EPHA6: variants seen among roughly 807,000 people sequenced by gnomAD.
The protein encoded by EPHA6 is ephrin type-A receptor 6.
EPHA6 carries 50 observed loss-of-function variants against 112.0 expected under a neutral mutation model. The ratio of observed to expected loss-of-function variants is 0.45; its 90% confidence interval spans 0.36 to 0.56. The LOEUF (loss-of-function observed/expected upper bound fraction) is 0.56. Ranked by LOEUF, EPHA6 falls within the 20% of genes least tolerant of loss-of-function variation. The pLI, the probability that EPHA6 is intolerant of heterozygous loss-of-function variation, is 0.00. For missense variants in EPHA6, 1,280 were observed against 1,417.4 expected, an observed-to-expected ratio of 0.90 and a Z score of 1.56; for synonymous variants, 529 against 490.7, an observed-to-expected ratio of 1.08 and a Z score of -1.03.
chr3:97,738,692 T>A (rs1576381833), intron 16 of EPHA6, among the ~76,000 whole-genome samples: 1 of 152,198 alleles, frequency 6.6e-6, no homozygotes, highest in Admixed American at 6.5e-5. Flanking sequence ...GAGACAGCAC[T>A]GCAGCACGCA....
chr3:97,742,052 A>G (rs1330778608), intron 16 of EPHA6, among the ~76,000 whole-genome samples: 1 of 152,118 alleles, frequency 6.6e-6, no homozygotes, highest in African/African-American at 2.4e-5. Flanking sequence ...AATGAGGAAA[A>G]TATGGCAGTA....
At chr3:97,506,783 T>G (rs1255954739) in intron 10 of EPHA6, among the ~76,000 whole-genome samples, 1 of 152,216 alleles carries the variant, frequency 6.6e-6, no homozygotes, top group Non-Finnish European at 1.5e-5. Flanking sequence ...TTCACGATAT[T>G]GATTCTTCCT....
chr3:97,026,945 C>G (rs1170603858), intron 3 of EPHA6, among the ~76,000 whole-genome samples: 2 of 152,086 alleles, frequency 1.3e-5, no homozygotes, highest in African/African-American at 2.4e-5. Context: ...TGGGTATATA[C>G]TCAAAGGAAT....
rs79163158 is a variant in EPHA6, at chr3:97,758,684, G to C, written c.*9983G>C. 6.6e-6 allele frequency among the ~76,000 whole-genome samples: 1 copy of C among 151,876 alleles called. No individual in the cohort carries two copies. The highest frequency in any genetic ancestry group is 1.5e-5 in the Non-Finnish European group (1 of 67,880). On this transcript the variant is annotated 3_prime_UTR_variant, in exon 18 of 18. Coordinates refer to ENST00000389672, the MANE Select transcript of EPHA6 (RefSeq NM_001080448.3). Reference sequence around the variant, plus strand: ...TAGCATGACTGTGGCTCCTTTAAGCGGTAGAGGAAATCTTCCCCCAAGGAC... The same window carrying C: ...TAGCATGACTGTGGCTCCTTTAAGCCGTAGAGGAAATCTTCCCCCAAGGAC...
intron 5 of EPHA6, among the ~76,000 whole-genome samples, chr3:97,352,813 C>T (rs911568255): frequency 3.3e-5 from 5 of 152,014 alleles, no homozygotes; most frequent in Admixed American, 2.0e-4. Flanking sequence ...GGTGGCCAAG[C>T]GGGGAGTGTT....
Position 97,747,448 on chromosome 3 carries a change from C to T in EPHA6, c.3154C>T (p.Pro1052Ser). Residue 1052 changes from proline to serine, a missense_variant, in exon 17 of 18, where the codon CCG becomes TCG. This residue lies in a region of EPHA6 where 145 missense variants were observed against 153.3 expected (regional missense o/e 0.95). Transcript: ENST00000389672. The stretch of plus-strand genomic sequence containing the variant: ...AATGCCAGAGTCCCCTGGTGAAGTT[C>T]CGGAATATCCTTTGTTTGTCACAGT... ...LVMPESPGEV[P>S]EYPLFVTVGD... 1 of 1,582,298 alleles carries T rather than the reference C, an allele frequency of 6.3e-7. No individual in the cohort carries two copies. Among genetic ancestry groups the T allele is most frequent in the Non-Finnish European group, 8.6e-7 (1 of 1,163,490 alleles).
At chr3:97,130,726 T>G (rs1156469284) in intron 3 of EPHA6, among the ~76,000 whole-genome samples, 1 of 152,156 alleles carries the variant, frequency 6.6e-6, no homozygotes, top group African/African-American at 2.4e-5. Flanking sequence ...TATTAAGGAA[T>G]GTAGACTTGA....
At chr3:97,232,404 G>T (rs1480544846) in intron 4 of EPHA6, among the ~76,000 whole-genome samples, 1 of 152,034 alleles carries the variant, frequency 6.6e-6, no homozygotes, top group East Asian at 1.9e-4. Context: ...ATTTTATGTT[G>T]ATGCTATTTT....
chr3:97,275,871 T>C (rs968031412), intron 5 of EPHA6, among the ~76,000 whole-genome samples: 1 of 151,544 alleles, frequency 6.6e-6, no homozygotes, highest in Non-Finnish European at 1.5e-5. Flanking sequence ...GGCTTTGAAC[T>C]GGGGGGAAAG....
chr3:97,661,926 C>T (rs1038549190), intron 14 of EPHA6, among the ~76,000 whole-genome samples: 2 of 152,094 alleles, frequency 1.3e-5, no homozygotes, highest in African/African-American at 4.8e-5. Flanking sequence ...GACTGCTGCT[C>T]AGCAAATTTG....
chr3:97,592,296 C>T (rs2093552379), intron 11 of EPHA6, among the ~76,000 whole-genome samples: 1 of 152,188 alleles, frequency 6.6e-6, no homozygotes, highest in Non-Finnish European at 1.5e-5. Flanking sequence ...AAATAAACAA[C>T]ATCAATGACT....
At chr3:97,327,827 G>T (rs1223151879) in intron 5 of EPHA6, among the ~76,000 whole-genome samples, 1 of 127,854 alleles carries the variant, frequency 7.8e-6, no homozygotes, top group Non-Finnish European at 1.5e-5. Context: ...ATATTCCTTG[G>T]TGTGTGTGTG....
At chr3:97,504,119 G>C (rs1456477004) in intron 10 of EPHA6, among the ~76,000 whole-genome samples, 1 of 152,068 alleles carries the variant, frequency 6.6e-6, no homozygotes, top group Non-Finnish European at 1.5e-5. Context: ...ATTCACAATA[G>C]CAAAAACTAG....
chr3:97,024,797 T>C (rs1363635980), intron 3 of EPHA6, among the ~76,000 whole-genome samples: 3 of 152,220 alleles, frequency 2.0e-5, no homozygotes, highest in Non-Finnish European at 4.4e-5. Flanking sequence ...TTCCTTCCTA[T>C]TTTAGTGTTA....
intron 3 of EPHA6, among the ~76,000 whole-genome samples, chr3:97,190,566 A>C (rs2077274446): frequency 6.6e-6 from 1 of 152,062 alleles, no homozygotes; most frequent in African/African-American, 2.4e-5. Context: ...AAATAGCATT[A>C]TTGCCTTCAT....
Position 97,448,561 on chromosome 3 carries a change from C to A in EPHA6, c.1732-7C>A, listed in dbSNP as rs1336075703. Reference sequence around the variant, plus strand: ...CATTTCCTTTCTCCTTTTTTTCTGTCCCCCAGGAACATGAGCAGCTGACCT... The same window carrying A: ...CATTTCCTTTCTCCTTTTTTTCTGTACCCCAGGAACATGAGCAGCTGACCT... On this transcript the variant is annotated splice_polypyrimidine_tract_variant and splice_region_variant and intron_variant, in intron 6 of 17. Transcript: ENST00000389672. 2 of 1,608,216 alleles carry A rather than the reference C, an allele frequency of 1.2e-6. No homozygotes were observed. The highest frequency in any genetic ancestry group is 2.2e-5 in the East Asian group (1 of 44,818).
At chr3:97,005,334 C>T (rs571921051) in intron 3 of EPHA6, among the ~76,000 whole-genome samples, 1 of 152,190 alleles carries the variant, frequency 6.6e-6, no homozygotes, top group African/African-American at 2.4e-5. Context: ...TCCTTCATAT[C>T]CCTTGTTAGC....
At chr3:96,919,181 A>G (rs1309352398) in intron 2 of EPHA6, among the ~76,000 whole-genome samples, 1 of 151,910 alleles carries the variant, frequency 6.6e-6, no homozygotes, top group Non-Finnish European at 1.5e-5. Context: ...ACTCTTTGCT[A>G]TGTTGAATGA....
intron 5 of EPHA6, among the ~76,000 whole-genome samples, chr3:97,319,701 A>G (rs1434143309): frequency 1.3e-5 from 2 of 150,878 alleles, no homozygotes; most frequent in South Asian, 2.1e-4. Context: ...AAAAAAAACA[A>G]CACCAAAAAA....
Sources: allele counts gnomAD v4.1 joint callset (sites outside exome capture counted in the v4.1 genomes callset), GRCh38; gene constraint gnomAD v4.1.1; regional missense constraint gnomAD v4.1.1; transcripts MANE v1.5; gene names NCBI Gene and HGNC (gene_info 2026-07-23, HGNC 2026-07-21).